Variants in NECTIN1 observed in about 807,000 individuals in gnomAD.
NECTIN1 encodes nectin-1.
Under a neutral mutation model 48.0 loss-of-function variants are expected in NECTIN1, and 23 were observed. The observed-to-expected ratio is 0.48, with a 90% confidence interval of 0.34 to 0.68. The LOEUF is 0.68. Ranked by LOEUF, NECTIN1 falls within the 30% of genes least tolerant of loss-of-function variation. NECTIN1 has a pLI of 0.01. For synonymous variants in NECTIN1, 270 were observed against 288.9 expected (o/e 0.93, Z 0.66); for missense variants, 591 against 709.9 (o/e 0.83, Z 1.90).
downstream of NECTIN1, among the ~76,000 whole-genome samples, chr11:119,656,115 C>G (rs1864568617): frequency 6.6e-6 from 1 of 152,124 alleles, no homozygotes; most frequent in African/African-American, 2.4e-5. Flanking sequence ...AGGCTAGTTT[C>G]AAACTCCCGG....
chr11:119,673,976 G>A lies in NECTIN1; in HGVS notation c.1003+1183C>T, dbSNP rs1261940443. Among the ~76,000 whole-genome samples the A allele has an allele frequency of 6.6e-6, 1 of 152,230 alleles. No individual in the cohort carries two copies. The highest frequency in any genetic ancestry group is 1.5e-5 in the Non-Finnish European group (1 of 68,046). On this transcript the variant is annotated intron_variant, in intron 5 of 5. Coordinates refer to ENST00000264025, the MANE Select transcript of NECTIN1 (RefSeq NM_002855.5). This position sits in a 1 kb window ranked among gnomAD's most constrained non-coding sequence, Gnocchi z 5.8. Reference sequence around the variant, plus strand: ...TGGCTCCACACTCCCGCCCCTGGGTGAGAGACGTGACAGAACGGCTCTGAG... The same window carrying A: ...TGGCTCCACACTCCCGCCCCTGGGTAAGAGACGTGACAGAACGGCTCTGAG...
intron 1 of NECTIN1, among the ~76,000 whole-genome samples, chr11:119,725,656 C>T (rs537025460): frequency 3.3e-5 from 5 of 152,284 alleles, no homozygotes; most frequent in African/African-American, 9.6e-5. Flanking sequence ...CCAATAGCCC[C>T]GACACTTGGA....
chr11:119,664,605 GC>G lies in NECTIN1; in HGVS notation c.*141del, dbSNP rs986279884. The stretch of plus-strand genomic sequence containing the variant: ...GTCGTGGCTGCCCTGGGCTCCCCTG[GC>G]CCCCCAGGAGTTCGGGGCTGGCTTT... On this transcript the variant is annotated 3_prime_UTR_variant, in exon 6 of 6. Transcript: ENST00000264025. 58 of 1,434,190 alleles carry G rather than the reference GC, an allele frequency of 4.0e-5. No individual in the cohort carries two copies. In the South Asian group the frequency reaches 8.2e-4, roughly 20 times the overall value. The allele number at this position is 1,434,190 out of a possible 1,614,324, so 88.8% of individuals were successfully genotyped here.
chr11:119,663,766 A>G lies in NECTIN1; in HGVS notation c.*981T>C. The G allele has an allele frequency of 1.0e-6, 1 of 985,478 alleles. No homozygotes were observed. Among genetic ancestry groups the G allele is most frequent in the Non-Finnish European group, 1.2e-6 (1 of 829,950 alleles). 61.0% of individuals were successfully genotyped at this position (985,478 alleles called of 1,614,324 possible). ...TAAGAAGCAGTTTGGGGCAGGCCTG[A>G]GATCCTAGGGTGGAGGCACCGGGGA... On this transcript the variant is annotated 3_prime_UTR_variant, in exon 6 of 6. Transcript: ENST00000264025.
At chr11:119,651,181 G>A (rs994344650) in intron 5 of NECTIN1, among the ~76,000 whole-genome samples, 31 of 152,184 alleles carry the variant, frequency 2.0e-4, no homozygotes, top group Middle Eastern at 3.2e-3. Flanking sequence ...AACAAGAGGA[G>A]GCAGAGTGTT....
At chr11:119,701,433 TG>T in intron 1 of NECTIN1, among the ~76,000 whole-genome samples, 2 of 151,808 alleles carry the variant, frequency 1.3e-5, no homozygotes, top group African/African-American at 2.4e-5. Flanking sequence ...TGCCAAGGGG[TG>T]TCTGGGGCTC....
intron 5 of NECTIN1, among the ~76,000 whole-genome samples, chr11:119,648,274 G>A (rs868392880): frequency 2.0e-4 from 7 of 34,780 alleles, no homozygotes; most frequent in African/African-American, 3.0e-4. Flanking sequence ...AGTGGTGGTG[G>A]TGATGGTGGT....
Position 119,684,114 on chromosome 11 carries a change from C to T in NECTIN1, c.80-5349G>A, listed in dbSNP as rs1469583697. The stretch of plus-strand genomic sequence containing the variant: ...GCACACTTCGCTCCCCACATACCCA[C>T]TTAAAGCAGTTTCTCTTCCTGCCCT... On this transcript the variant is annotated intron_variant, in intron 1 of 5. Coordinates refer to ENST00000264025, the MANE Select transcript of NECTIN1 (RefSeq NM_002855.5). The surrounding 1 kb of genome is among the most constrained non-coding windows in gnomAD (Gnocchi z 5.2). Among the ~76,000 whole-genome samples, 1 of 152,388 alleles carries T rather than the reference C, an allele frequency of 6.6e-6. No homozygotes were observed. Among genetic ancestry groups the T allele is most frequent in the East Asian group, 1.9e-4 (1 of 5,186 alleles).
chr11:119,648,280 G>C lies in NECTIN1; in HGVS notation c.1004-8268C>G, dbSNP rs199542488. Among the ~76,000 whole-genome samples, 8 of 43,760 alleles carry C rather than the reference G, an allele frequency of 1.8e-4. 1 individual carries two copies. Among genetic ancestry groups the C allele is most frequent in the East Asian group, 2.1e-3 (2 of 972 alleles). The allele number at this position is 43,760 out of a possible 152,430, so 28.7% of individuals were successfully genotyped here. A position where few individuals can be genotyped will look rare whatever the true frequency, so the allele number is the denominator to read the frequency against. On this transcript the variant is annotated intron_variant, in intron 5 of 7. Coordinates refer to the NECTIN1 transcript ENST00000341398. ...GGTGGTAATAGTGGTGGTGGTGATG[G>C]TGGTGGTGATGGTGGTGGTGGTGGT...
In NECTIN1 at chr11:119,661,404, G is replaced by GTGAA. The variant is rs1474013762; in HGVS notation, c.*3342_*3343insTTCA. 6 of 985,986 alleles carry GTGAA rather than the reference G, an allele frequency of 6.1e-6. No individual in the cohort carries two copies. The South Asian group carries it at 2.8e-4, about 46-fold the overall frequency. 61.1% of individuals were successfully genotyped at this position (985,986 alleles called of 1,614,324 possible). On this transcript the variant is annotated 3_prime_UTR_variant, in exon 6 of 6. Transcript: ENST00000264025. ...CTGCCTCCTGGCATCCCCGGTACTG[G>GTGAA]GCAGTGTGTGAAGCCTCCCTGTGGG...
At chr11:119,640,347 A>G (rs928295404) in intron 5 of NECTIN1, 1 of 378,116 alleles carries the variant, frequency 2.6e-6, no homozygotes, top group Non-Finnish European at 4.9e-6. Flanking sequence ...CTGGCCCTGC[A>G]GGGAAGATTC....
chr11:119,714,320 G>A (rs1865710988), intron 1 of NECTIN1, among the ~76,000 whole-genome samples: 1 of 152,176 alleles, frequency 6.6e-6, no homozygotes, highest in Admixed American at 6.5e-5. Context: ...GACACATGCT[G>A]TGGCTCGCCC....
At chr11:119,688,224 T>A (rs1355489545) in intron 1 of NECTIN1, among the ~76,000 whole-genome samples, 1 of 152,152 alleles carries the variant, frequency 6.6e-6, no homozygotes, top group African/African-American at 2.4e-5. Context: ...AATGAAATAA[T>A]TCAGTTTTGC....
intron 1 of NECTIN1, among the ~76,000 whole-genome samples, chr11:119,708,358 TAGGAGCC>T (rs1424771162): frequency 1.3e-5 from 2 of 151,962 alleles, no homozygotes; most frequent in Non-Finnish European, 2.9e-5. Flanking sequence ...GAAAGCAAGG[TAGGAGCC>T]AGTTGTAAAA....
chr11:119,710,446 G>A (rs1030264607), intron 1 of NECTIN1, among the ~76,000 whole-genome samples: 8 of 151,946 alleles, frequency 5.3e-5, no homozygotes, highest in African/African-American at 9.7e-5. Context: ...CCCTGCATGC[G>A]TGTGTATGCA....
At chr11:119,697,729 G>A (rs1865365860) in intron 1 of NECTIN1, among the ~76,000 whole-genome samples, 1 of 152,200 alleles carries the variant, frequency 6.6e-6, no homozygotes, top group African/African-American at 2.4e-5. Context: ...GAGTCTTCTG[G>A]TTGTGGTCCA....
intron 1 of NECTIN1, among the ~76,000 whole-genome samples, chr11:119,699,367 C>T (rs2135569192): frequency 0.034 from 2 of 58 alleles, no homozygotes; most frequent in East Asian, 0.33. Flanking sequence ...GACTCTTTCC[C>T]ACGGCCCCCG....
intron 1 of NECTIN1, among the ~76,000 whole-genome samples, chr11:119,702,298 T>C (rs1271523849): frequency 6.6e-6 from 1 of 152,222 alleles, no homozygotes; most frequent in Non-Finnish European, 1.5e-5. Context: ...TAATAGCGTA[T>C]GGTCATGACA....
rs1714110768 is a variant in NECTIN1, at chr11:119,661,498, G to A, written c.*3249C>T. The A allele has an allele frequency of 2.0e-6, 2 of 985,952 alleles. No individual in the cohort carries two copies. Among genetic ancestry groups the A allele is most frequent in the South Asian group, 9.4e-5 (2 of 21,284 alleles). The allele number at this position is 985,952 out of a possible 1,614,324, so 61.1% of individuals were successfully genotyped here. Reference sequence around the variant, plus strand: ...GGTTTCTGTTGGCAGTCAGGCTTTGGGGGTCTCTGTCTGGACTCCTGAGGC... The same window carrying A: ...GGTTTCTGTTGGCAGTCAGGCTTTGAGGGTCTCTGTCTGGACTCCTGAGGC... On this transcript the variant is annotated 3_prime_UTR_variant, in exon 6 of 6. Coordinates refer to ENST00000264025, the MANE Select transcript of NECTIN1 (RefSeq NM_002855.5).
Sources: gnomAD v4.1 joint callset for allele counts (sites outside exome capture counted in the v4.1 genomes callset) on GRCh38, gnomAD v4.1.1 for gene constraint, Gnocchi (gnomAD v3.1) non-coding constraint, MANE v1.5 for transcripts, NCBI Gene and HGNC (gene_info 2026-07-23, HGNC 2026-07-21) for gene names.